The following PDE4D variants were observed in gnomAD, a reference collection of about 807,000 sequenced individuals.
PDE4D encodes phosphodiesterase 4D.
A neutral mutation model predicts 87.4 loss-of-function variants in PDE4D; 24 were observed. That is an observed-to-expected ratio of 0.27 (90% CI 0.20 to 0.39). PDE4D has a LOEUF of 0.39. PDE4D is among the 10% of genes least tolerant of loss of function. PDE4D has a pLI of 1.00. For synonymous variants in PDE4D, 384 were observed against 383.2 expected (o/e 1.00, Z -0.02); for missense variants, 714 against 1,041.0 (o/e 0.69, Z 4.32).
At chr5:60,008,723 G>A (rs752310060) in intron 2 of PDE4D, among the ~76,000 whole-genome samples, 34 of 151,976 alleles carry the variant, frequency 2.2e-4, no homozygotes, top group Non-Finnish European at 4.0e-4. Context: ...TCATATTATT[G>A]ATTTATGCTT....
At chr5:59,965,368 T>C (rs1194290626) in intron 3 of PDE4D, among the ~76,000 whole-genome samples, 1 of 152,204 alleles carries the variant, frequency 6.6e-6, no homozygotes, top group Non-Finnish European at 1.5e-5. Flanking sequence ...TCAAGTCCTC[T>C]AATCCTTTAT....
chr5:60,151,836 C>CT (rs1781534318), intron 2 of PDE4D, among the ~76,000 whole-genome samples: 1 of 152,128 alleles, frequency 6.6e-6, no homozygotes, highest in Non-Finnish European at 1.5e-5. Context: ...ATAGAAAAAG[C>CT]TTTCAGCTTT....
chr5:59,293,153 G>C (rs1768373642), intron 1 of PDE4D, among the ~76,000 whole-genome samples: 1 of 152,160 alleles, frequency 6.6e-6, no homozygotes, highest in African/African-American at 2.4e-5. Context: ...GAACACATGA[G>C]ATTGCAAGAT....
chr5:59,319,181 T>C (rs79110509), intron 1 of PDE4D, among the ~76,000 whole-genome samples: 2,327 of 151,928 alleles, frequency 0.015, 22 homozygotes, highest in Middle Eastern at 0.027. Context: ...TGTGTGTGTG[T>C]GTGTGTGTGT....
At chr5:59,040,295 T>C (rs968441906) in intron 5 of PDE4D, among the ~76,000 whole-genome samples, 1 of 152,148 alleles carries the variant, frequency 6.6e-6, no homozygotes, top group African/African-American at 2.4e-5. Flanking sequence ...TCGGAACGCT[T>C]TATAATTCAC....
intron 3 of PDE4D, among the ~76,000 whole-genome samples, chr5:59,944,245 C>T (rs561694457): frequency 1.6e-4 from 25 of 152,188 alleles, no homozygotes; most frequent in Non-Finnish European, 2.9e-4. Context: ...GAATACATTT[C>T]ATGAACTCCT....
At chr5:59,149,706 G>GATTTTTTT (rs368628423) in intron 5 of PDE4D, among the ~76,000 whole-genome samples, 1 of 69,260 alleles carries the variant, frequency 1.4e-5, no homozygotes, top group African/African-American at 5.9e-5. Context: ...CTCTCCTCGA[G>GATTTTTTT]TTTTTTTTTT....
intron 1 of PDE4D, among the ~76,000 whole-genome samples, chr5:59,557,527 T>C (rs1221825873): frequency 6.6e-6 from 1 of 152,066 alleles, no homozygotes; most frequent in Non-Finnish European, 1.5e-5. Context: ...TTTTCCACTT[T>C]GTCAAATGTA....
intron 1 of PDE4D, among the ~76,000 whole-genome samples, chr5:59,659,027 C>T (rs187188973): frequency 7.9e-5 from 12 of 152,198 alleles, no homozygotes; most frequent in Admixed American, 2.6e-4. Context: ...AATTTTAATG[C>T]AACTTAAATT....
intron 2 of PDE4D, among the ~76,000 whole-genome samples, chr5:60,105,664 T>C (rs1308306811): frequency 1.3e-5 from 2 of 152,062 alleles, no homozygotes; most frequent in Non-Finnish European, 2.9e-5. Flanking sequence ...AGCAGATCTC[T>C]TGGCAGAAAC....
intron 1 of PDE4D, among the ~76,000 whole-genome samples, chr5:59,325,418 T>C (rs1372126304): frequency 1.3e-5 from 2 of 152,204 alleles, no homozygotes; most frequent in Non-Finnish European, 1.5e-5. Flanking sequence ...AAGATAAATC[T>C]TCTTGCTACC....
chr5:59,880,776 T>G (rs1394051244), intron 1 of PDE4D, among the ~76,000 whole-genome samples: 1 of 152,208 alleles, frequency 6.6e-6, no homozygotes, highest in Non-Finnish European at 1.5e-5. Flanking sequence ...GGGGTCCTCA[T>G]GTCATGACTG....
chr5:60,050,598 C>A (rs1292432242), intron 2 of PDE4D, among the ~76,000 whole-genome samples: 1 of 152,184 alleles, frequency 6.6e-6, no homozygotes, highest in Non-Finnish European at 1.5e-5. Flanking sequence ...ACTGTAAAGA[C>A]CATCAACACT....
chr5:60,509,769 T>G (rs530713467), intron 1 of PDE4D, among the ~76,000 whole-genome samples: 2 of 152,200 alleles, frequency 1.3e-5, no homozygotes, highest in African/African-American at 4.8e-5. Context: ...CTTTTTTTTG[T>G]ACTCAGTCTC....
intron 5 of PDE4D, 61 bp from the exon 6 acceptor site, chr5:59,039,032 G>A: frequency 3.9e-6 from 6 of 1,532,740 alleles, no homozygotes; most frequent in Non-Finnish European, 5.3e-6. Flanking sequence ...CCGCTAGCGA[G>A]TTCAAAGGGG....
intron 1 of PDE4D, among the ~76,000 whole-genome samples, chr5:60,216,675 C>A (rs1743882832): frequency 1.3e-5 from 2 of 151,828 alleles, no homozygotes; most frequent in Admixed American, 6.6e-5. Context: ...AACTTTAAAT[C>A]AAAAAAACTG....
chr5:59,446,069 C>T (rs572075913), intron 1 of PDE4D, among the ~76,000 whole-genome samples: 2 of 151,988 alleles, frequency 1.3e-5, no homozygotes, highest in East Asian at 1.9e-4. Flanking sequence ...TTTAAGAAAG[C>T]GTAATGTGAA....
intron 5 of PDE4D, among the ~76,000 whole-genome samples, chr5:59,156,011 C>T (rs1354255916): frequency 6.6e-6 from 1 of 151,924 alleles, no homozygotes; most frequent in Non-Finnish European, 1.5e-5. Context: ...ATGAAGAGGA[C>T]TGAGAGAGGG....
chr5:60,464,124 A>G (rs1284779123), intron 1 of PDE4D, among the ~76,000 whole-genome samples: 1 of 152,168 alleles, frequency 6.6e-6, no homozygotes, highest in Non-Finnish European at 1.5e-5. Context: ...CTTCCAGAAG[A>G]ACAAATCAAT....
Sources: allele counts gnomAD v4.1 joint callset (sites outside exome capture counted in the v4.1 genomes callset), GRCh38; gene constraint gnomAD v4.1.1; transcripts MANE v1.5; gene names NCBI Gene and HGNC (gene_info 2026-07-23, HGNC 2026-07-21).